RYR3: variants seen among roughly 807,000 people sequenced by gnomAD.
RYR3 encodes the protein ryanodine receptor 3.
A neutral mutation model predicts 584.3 loss-of-function variants in RYR3; 207 were observed. The ratio of observed to expected loss-of-function variants is 0.35; its 90% confidence interval spans 0.32 to 0.40. RYR3 has a LOEUF of 0.40. Ranked by LOEUF, RYR3 falls within the 10% of genes least tolerant of loss-of-function variation. The probability of loss-of-function intolerance (pLI) is 1.00; values close to 1 mark genes in which losing one functional copy is unlikely to be tolerated. For synonymous variants in RYR3, 2,416 were observed against 2,248.5 expected (o/e 1.07, Z -2.11); for missense variants, 5,616 against 6,089.2 (o/e 0.92, Z 2.59).
intron 2 of RYR3, among the ~76,000 whole-genome samples, chr15:33,487,617 T>G (rs2050570810): frequency 6.6e-6 from 1 of 152,212 alleles, no homozygotes. Flanking sequence ...TATGGTGGGC[T>G]GGCCCTGTGG....
intron 65 of RYR3, 144 bp downstream of exon 65, chr15:33,780,485 A>G: frequency 1.4e-6 from 1 of 740,334 alleles, no homozygotes; most frequent in Non-Finnish European, 2.2e-6. Context: ...ACTAGGTTGC[A>G]GGTCTGCATC....
intron 74 of RYR3, chr15:33,815,516 T>G: frequency 4.9e-6 from 1 of 203,500 alleles, no homozygotes; most frequent in Non-Finnish European, 9.8e-6. Context: ...CTTACATATC[T>G]GGGCTGCACC....
At chr15:33,372,925 C>T (rs1237983640) in intron 1 of RYR3, among the ~76,000 whole-genome samples, 1 of 152,166 alleles carries the variant, frequency 6.6e-6, no homozygotes. Flanking sequence ...TAATATAGTG[C>T]CCAACAATAG....
At chr15:33,636,259 C>T (rs1309281233) in intron 26 of RYR3, 117 bp from the exon 27 acceptor site, 4 of 875,826 alleles carry the variant, frequency 4.6e-6, no homozygotes, top group Admixed American at 2.2e-5. Flanking sequence ...CCTTGAGTGT[C>T]CCCTAGAAAT....
intron 3 of RYR3, among the ~76,000 whole-genome samples, chr15:33,516,203 T>C (rs914925738): frequency 6.6e-6 from 1 of 152,182 alleles, no homozygotes; most frequent in South Asian, 2.1e-4. Flanking sequence ...GCTTCCCCCA[T>C]GTTTTATTCA....
At chr15:33,753,625 A>AT (rs771568805) in intron 57 of RYR3, among the ~76,000 whole-genome samples, 1 of 152,134 alleles carries the variant, frequency 6.6e-6, no homozygotes, top group Admixed American at 6.5e-5. Context: ...TTTCCTATAG[A>AT]TTTTTTGCCA....
At chr15:33,855,692 A>G (rs1469481213) in intron 98 of RYR3, among the ~76,000 whole-genome samples, 1 of 152,126 alleles carries the variant, frequency 6.6e-6, no homozygotes, top group Non-Finnish European at 1.5e-5. Flanking sequence ...ACACATATGT[A>G]TATGGTTGTT....
chr15:33,774,339 T>C (rs55957711), intron 64 of RYR3, among the ~76,000 whole-genome samples: 31,134 of 152,186 alleles, frequency 0.2, 3,826 homozygotes, highest in Non-Finnish European at 0.27. Flanking sequence ...TTTTCTTTCT[T>C]GCCTTTTCAA....
chr15:33,617,350 T>A (rs1448924669), intron 19 of RYR3, among the ~76,000 whole-genome samples: 1 of 151,938 alleles, frequency 6.6e-6, no homozygotes, highest in African/African-American at 2.4e-5. Flanking sequence ...AGGCGGAGCT[T>A]GCGGTGAGCA....
At chr15:33,809,428 G>A (rs374155109) in intron 70 of RYR3, among the ~76,000 whole-genome samples, 3 of 152,110 alleles carry the variant, frequency 2.0e-5, no homozygotes, top group South Asian at 2.1e-4. Context: ...CTGCAAGCAC[G>A]TACCACGTGA....
chr15:33,581,666 C>G (rs1007153844), intron 14 of RYR3, 23 bp downstream of exon 14: 2 of 1,606,338 alleles, frequency 1.2e-6, no homozygotes, highest in African/African-American at 2.7e-5. Flanking sequence ...ACAGTGCCTT[C>G]TCCCTGGGAT....
intron 1 of RYR3, among the ~76,000 whole-genome samples, chr15:33,314,436 C>T: frequency 6.6e-6 from 1 of 152,210 alleles, no homozygotes; most frequent in East Asian, 1.9e-4. Context: ...GTCGGTGGAG[C>T]AGCTGGCACC....
At chr15:33,511,626 T>C (rs2142889313) in intron 3 of RYR3, among the ~76,000 whole-genome samples, 1 of 151,484 alleles carries the variant, frequency 6.6e-6, no homozygotes, top group East Asian at 1.9e-4. Flanking sequence ...AAACCACTAG[T>C]GCACCTCACC....
At chr15:33,839,654 C>T (rs1291734821) in intron 89 of RYR3, 1 of 152,204 alleles carries the variant, frequency 6.6e-6, no homozygotes, top group Non-Finnish European at 1.5e-5. Context: ...AGTTATTGTG[C>T]TTTGTCACTG....
At chr15:33,779,764 A>T (rs2074264145) in intron 64 of RYR3, among the ~76,000 whole-genome samples, 1 of 152,104 alleles carries the variant, frequency 6.6e-6, no homozygotes, top group African/African-American at 2.4e-5. Context: ...GCACTTTGGG[A>T]GGCCGAGGCG....
intron 95 of RYR3, 85 bp from the exon 96 acceptor site, chr15:33,853,470 G>T: frequency 6.7e-7 from 1 of 1,503,186 alleles, no homozygotes; most frequent in South Asian, 1.4e-5. Context: ...TGCCCATAGG[G>T]CAGCAAAGCT....
intron 16 of RYR3, among the ~76,000 whole-genome samples, chr15:33,599,853 T>G (rs1012434134): frequency 6.6e-6 from 1 of 152,248 alleles, no homozygotes; most frequent in Non-Finnish European, 1.5e-5. Context: ...TATTTATAGA[T>G]GATGCACTGC....
At chr15:33,776,758 T>C (rs115267875) in intron 64 of RYR3, among the ~76,000 whole-genome samples, 3,970 of 152,194 alleles carry the variant, frequency 0.026, 184 homozygotes, top group African/African-American at 0.09. Context: ...CAAGATATTA[T>C]TATTATTACT....
chr15:33,544,408 G>A (rs1357624033), intron 8 of RYR3, among the ~76,000 whole-genome samples: 4 of 151,896 alleles, frequency 2.6e-5, no homozygotes, highest in Admixed American at 1.3e-4. Flanking sequence ...AGTCTGATCC[G>A]GTGATCATGT....
Sources: allele counts gnomAD v4.1 joint callset (sites outside exome capture counted in the v4.1 genomes callset), GRCh38; gene constraint gnomAD v4.1.1; transcripts MANE v1.5; gene names NCBI Gene and HGNC (gene_info 2026-07-23, HGNC 2026-07-21).